PAX7: variants seen among roughly 807,000 people sequenced by gnomAD.
PAX7 encodes paired box 7.
In PAX7, 18 loss-of-function variants were observed where a neutral mutation model predicts 50.7. That is an observed-to-expected ratio of 0.36 (90% CI 0.25 to 0.53). The LOEUF is 0.53. Among genes scored for constraint, PAX7 ranks in the 20% least tolerant of loss-of-function variants. PAX7 has a pLI of 0.93. For synonymous variants in PAX7, 310 were observed against 290.4 expected, an observed-to-expected ratio of 1.07 and a Z score of -0.69; for missense variants, 644 against 702.9, an observed-to-expected ratio of 0.92 and a Z score of 0.95.
chr1:18,720,306 G>T (rs1557550250), intron 7 of PAX7, among the ~76,000 whole-genome samples: 1 of 152,190 alleles, frequency 6.6e-6, no homozygotes, highest in Non-Finnish European at 1.5e-5. Flanking sequence ...AAAGGAAGGG[G>T]CCTGGGAGGG....
chr1:18,742,216 G>C (rs1038730146), intron 8 of PAX7, among the ~76,000 whole-genome samples: 1 of 139,366 alleles, frequency 7.2e-6, no homozygotes, highest in Non-Finnish European at 1.5e-5. Flanking sequence ...GGAGTGCAGT[G>C]GTGCGATCTT....
At chr1:18,667,367 A>G (rs555944435) in intron 4 of PAX7, among the ~76,000 whole-genome samples, 1 of 150,248 alleles carries the variant, frequency 6.7e-6, no homozygotes, top group Admixed American at 6.7e-5. Context: ...GAAGGAAGGA[A>G]AAAAGAAGGA....
Position 18,681,679 on chromosome 1 carries a change from C to T in PAX7, c.587-10075C>T, listed in dbSNP as rs549087544. 1.0e-4 allele frequency among the ~76,000 whole-genome samples: 15 copies of T among 149,074 alleles called. No homozygotes were observed. The East Asian group carries it at 2.9e-3, about 29-fold the overall frequency. On this transcript the variant is annotated intron_variant, in intron 4 of 8. Transcript: ENST00000420770. ...AGATTTTGTGGTGCAAATCATCTAC[C>T]TAGGGCTTAGAATTTATTTTATTTT...
Position 18,747,403 on chromosome 1 carries a change from G to GC in PAX7, c.*2478dup, listed in dbSNP as rs917144975. ...GAAAATGGGACTTATTCCTTGACAGGCCCCACCCCCTTCAGAAAGAGGCCC... is the reference window on the plus strand; with the variant it reads ...GAAAATGGGACTTATTCCTTGACAGGCCCCCACCCCCTTCAGAAAGAGGCCC... On this transcript the variant is annotated 3_prime_UTR_variant, in exon 9 of 9. Transcript: ENST00000420770. The GC allele has an allele frequency of 4.4e-6, 1 of 227,284 alleles. No individual in the cohort carries two copies. The highest frequency in any genetic ancestry group is 8.7e-6 in the Non-Finnish European group (1 of 114,318). The allele number at this position is 227,284 out of a possible 1,614,324, so 14.1% of individuals were successfully genotyped here.
In PAX7 at chr1:18,631,165, C is replaced by A. The variant is rs1443860136; in HGVS notation, c.-439C>A. 1 of 236,390 alleles carries A rather than the reference C, an allele frequency of 4.2e-6. No individual in the cohort carries two copies. Among genetic ancestry groups the A allele is most frequent in the Non-Finnish European group, 8.3e-6 (1 of 120,478 alleles). 14.6% of individuals were successfully genotyped at this position (236,390 alleles called of 1,614,324 possible). A position where few individuals can be genotyped will look rare whatever the true frequency, so the allele number is the denominator to read the frequency against. On this transcript the variant is annotated 5_prime_UTR_variant, in exon 1 of 9. Coordinates refer to ENST00000420770, the MANE Select transcript of PAX7 (RefSeq NM_001135254.2). ...GAAACTTTGGCCCCGAGCGCCAGAG[C>A]GCCAGAGCGCGAGAGCGCGGCGCTC...
chr1:18,645,887 C>A (rs1175132045), intron 4 of PAX7, among the ~76,000 whole-genome samples: 2 of 152,206 alleles, frequency 1.3e-5, no homozygotes, highest in Non-Finnish European at 2.9e-5. Flanking sequence ...TAACCACAGC[C>A]CTAACTCAGG....
At chr1:18,744,465 TGG>T (rs1931319252) in intron 8 of PAX7, among the ~76,000 whole-genome samples, 3 of 149,520 alleles carry the variant, frequency 2.0e-5, no homozygotes, top group Non-Finnish European at 4.5e-5. Context: ...GATGGATGGA[TGG>T]ATGGATGGAT....
chr1:18,639,222 G>C (rs1301996286), intron 4 of PAX7, among the ~76,000 whole-genome samples: 1 of 152,146 alleles, frequency 6.6e-6, no homozygotes, highest in African/African-American at 2.4e-5. Context: ...TAGCTTCCAG[G>C]CATGGTAAGA....
chr1:18,698,272 T>TAC (rs71018097), intron 5 of PAX7, among the ~76,000 whole-genome samples: 9,110 of 147,260 alleles, frequency 0.062, 380 homozygotes, highest in African/African-American at 0.12. Flanking sequence ...ATTGTTAAAA[T>TAC]ACACACACAC....
intron 7 of PAX7, among the ~76,000 whole-genome samples, chr1:18,718,403 C>T (rs556872051): frequency 1.3e-5 from 2 of 152,290 alleles, no homozygotes; most frequent in East Asian, 1.9e-4. Context: ...AATTTGCAGA[C>T]TCCACCCTGA....
At chr1:18,648,037 C>T (rs1283962584) in intron 4 of PAX7, among the ~76,000 whole-genome samples, 2 of 152,174 alleles carry the variant, frequency 1.3e-5, no homozygotes, top group Non-Finnish European at 2.9e-5. Context: ...ACTTCCCTCC[C>T]CTGATGGCTT....
intron 4 of PAX7, among the ~76,000 whole-genome samples, chr1:18,645,744 A>C (rs960550018): frequency 6.6e-6 from 1 of 152,012 alleles, no homozygotes; most frequent in African/African-American, 2.4e-5. Context: ...ACTTGCCTTA[A>C]GTCTGCTCTG....
At position 18,636,519 on chromosome 1, in the gene PAX7, A is replaced by G. The variant is rs938105059; in HGVS notation, c.586+148A>G. ...GCTGCGGGGCAGCTGGGAGCCGCTC[A>G]GGCTTTGCCGACAGCGCCCCCTCGG... On this transcript the variant is annotated intron_variant, in intron 4 of 8. Transcript: ENST00000420770. This position sits in a 1 kb window ranked among gnomAD's most constrained non-coding sequence, Gnocchi z 5.1. 13 of 1,073,420 alleles carry G rather than the reference A, an allele frequency of 1.2e-5. No homozygotes were observed. The highest frequency in any genetic ancestry group is 1.7e-5 in the South Asian group (1 of 59,112). 66.5% of individuals were successfully genotyped at this position (1,073,420 alleles called of 1,614,324 possible). A position where few individuals can be genotyped will look rare whatever the true frequency, so the allele number is the denominator to read the frequency against.
intron 4 of PAX7, among the ~76,000 whole-genome samples, chr1:18,664,483 A>G (rs901393486): frequency 1.3e-5 from 2 of 152,164 alleles, no homozygotes; most frequent in Non-Finnish European, 2.9e-5. Context: ...CAGCCACACG[A>G]AAGTCCAGTT....
chr1:18,710,266 A>G (rs56133718), intron 7 of PAX7, among the ~76,000 whole-genome samples: 2,461 of 152,246 alleles, frequency 0.016, 60 homozygotes, highest in African/African-American at 0.056. Flanking sequence ...TGCCGGACCC[A>G]GGAACCTCAC....
intron 4 of PAX7, among the ~76,000 whole-genome samples, chr1:18,682,096 A>G (rs2088910069): frequency 6.6e-6 from 1 of 152,052 alleles, no homozygotes; most frequent in African/African-American, 2.4e-5. Context: ...CTGGAGAAAA[A>G]GTTTTGTCAA....
Position 18,700,912 on chromosome 1 carries a change from A to T in PAX7, c.952+94A>T, listed in dbSNP as rs1318205949. On this transcript the variant is annotated intron_variant, in intron 6 of 8. Coordinates refer to ENST00000420770, the MANE Select transcript of PAX7 (RefSeq NM_001135254.2). This position sits in a 1 kb window ranked among gnomAD's most constrained non-coding sequence, Gnocchi z 4.8. ...AAAGGCTCTTCTTTTTTTTATGACCATTTCTTACTTTCATGTAAGCAGGCT... is the reference window on the plus strand; with the variant it reads ...AAAGGCTCTTCTTTTTTTTATGACCTTTTCTTACTTTCATGTAAGCAGGCT... 8.6e-7 allele frequency: 1 copy of T among 1,167,754 alleles called. No homozygotes were observed. Among genetic ancestry groups the T allele is most frequent in the African/African-American group, 1.6e-5 (1 of 61,390 alleles). The allele number at this position is 1,167,754 out of a possible 1,614,324, so 72.3% of individuals were successfully genotyped here.
intron 4 of PAX7, among the ~76,000 whole-genome samples, chr1:18,675,135 C>T (rs896234026): frequency 4.6e-5 from 7 of 152,090 alleles, no homozygotes; most frequent in South Asian, 2.1e-4. Context: ...CCTCTTCCCA[C>T]GAGATGATTG....
intron 8 of PAX7, among the ~76,000 whole-genome samples, chr1:18,744,244 C>G (rs1346659779): frequency 6.6e-6 from 1 of 152,204 alleles, no homozygotes; most frequent in Non-Finnish European, 1.5e-5. Context: ...AGGGCCTTCT[C>G]CATAGCAGGT....
Sources: allele counts gnomAD v4.1 joint callset (sites outside exome capture counted in the v4.1 genomes callset), GRCh38; gene constraint gnomAD v4.1.1; non-coding constraint Gnocchi (gnomAD v3.1); transcripts MANE v1.5; gene names NCBI Gene and HGNC (gene_info 2026-07-23, HGNC 2026-07-21).